Variants in MAP3K15 observed in about 807,000 individuals in gnomAD.
MAP3K15 encodes mitogen-activated protein kinase kinase kinase 15.
A neutral mutation model predicts 99.5 loss-of-function variants in MAP3K15; 124 were observed. The observed-to-expected ratio is 1.25, with a 90% CI of 1.08 to 1.45. The LOEUF (loss-of-function observed/expected upper bound fraction) is 1.45, where lower values mean the gene tolerates loss of function less well. Among genes scored for constraint, MAP3K15 ranks in the 40% most tolerant of loss-of-function variants. The probability of loss-of-function intolerance (pLI) is 0.00; values close to 1 mark genes in which losing one functional copy is unlikely to be tolerated. For synonymous variants in MAP3K15, 494 were observed against 439.6 expected (o/e 1.12, Z -1.55); for missense variants, 1,242 against 1,079.7 (o/e 1.15, Z -2.11).
chrX:19,479,576 G>A (rs372906379), intron 3 of MAP3K15, among the ~76,000 whole-genome samples: 34 of 112,224 alleles, frequency 3.0e-4, no homozygotes, highest in Non-Finnish European at 5.6e-4. Context: ...TAAGCTGTAA[G>A]TATAAAGGTA....
At chrX:19,395,931 T>C (rs983131784) in intron 15 of MAP3K15, among the ~76,000 whole-genome samples, 1 of 112,339 alleles carries the variant, frequency 8.9e-6, no homozygotes, top group African/African-American at 3.2e-5. Flanking sequence ...ATATACTTTG[T>C]GTTTTAACAG....
intron 3 of MAP3K15, among the ~76,000 whole-genome samples, chrX:19,480,923 T>A (rs1368393239): frequency 3.7e-5 from 4 of 107,976 alleles, no homozygotes. Flanking sequence ...GAGACCAGCC[T>A]GGGCAACATG....
intron 6 of MAP3K15, among the ~76,000 whole-genome samples, chrX:19,450,343 GGAGAA>G (rs1193438415): frequency 9.2e-6 from 1 of 108,474 alleles, no homozygotes; most frequent in African/African-American, 3.3e-5. Flanking sequence ...GAGGAGAGGA[GGAGAA>G]GAGGACAGGA....
At position 19,374,493 on chromosome X, in the gene MAP3K15, A is replaced by C. The variant is rs998609662; in HGVS notation, c.2757T>G (p.Ile919Met). The change falls in exon 20 of 29, where the codon ATT becomes ATG. Residue 919 changes from isoleucine (I) to methionine (M), a missense_variant. Ile to Met is a conservative substitution (Grantham distance 10). Coordinates refer to ENST00000338883, the MANE Select transcript of MAP3K15 (RefSeq NM_001001671.4). ...RQVNKGKKNR[I>M]AFKPSEGPRG... ...AGGCCTCACCTGAGGGCTTGAAGGC[A>C]ATTCGGTTCTTCTTGCCCTTGTTCA... is the stretch of plus-strand genomic sequence containing the variant. 2.3e-5 allele frequency: 28 copies of C among 1,208,960 alleles called. No individual in the cohort carries two copies. Among genetic ancestry groups the C allele is most frequent in the Non-Finnish European group, 3.0e-5 (27 of 894,832 alleles).
At position 19,457,007 on chromosome X, in the gene MAP3K15, T is replaced by C; in HGVS notation, c.901A>G (p.Met301Val). Residue 301 changes from methionine to valine, a missense_variant, in exon 6 of 29, where the codon ATG becomes GTG. Met to Val is a conservative substitution (Grantham distance 21). Coordinates refer to ENST00000338883, the MANE Select transcript of MAP3K15 (RefSeq NM_001001671.4). ...TCCAGTGTTTCCACCAGCTTCACCATCGCATCATAGTCCTGTTGGCAAGAG... is the reference window on the plus strand; with the variant it reads ...TCCAGTGTTTCCACCAGCTTCACCACCGCATCATAGTCCTGTTGGCAAGAG... ...SYRDIQDYDA[M>V]VKLVETLEML... The C allele has an allele frequency of 1.7e-6, 2 of 1,193,491 alleles. No homozygotes were observed. The highest frequency in any genetic ancestry group is 2.3e-4 in the Middle Eastern group (1 of 4,331).
At chrX:19,388,794 T>C (rs2063508463) in intron 18 of MAP3K15, among the ~76,000 whole-genome samples, 1 of 111,964 alleles carries the variant, frequency 8.9e-6, no homozygotes, top group South Asian at 3.7e-4. Context: ...TCTAGGTATC[T>C]ACCCAAGAAG....
At chrX:19,426,818 C>CAAAAAAAAAAAAA (rs746106862) in intron 7 of MAP3K15, among the ~76,000 whole-genome samples, 337 of 21,136 alleles carry the variant, frequency 0.016, 50 homozygotes, top group African/African-American at 0.042. Context: ...AATCTGTCTC[C>CAAAAAAAAAAAAA]AAAAAAAAAA....
chrX:19,462,845 C>T (rs2064141431), intron 4 of MAP3K15, among the ~76,000 whole-genome samples: 1 of 112,203 alleles, frequency 8.9e-6, no homozygotes, highest in Non-Finnish European at 1.9e-5. Context: ...ACTTCCCCTC[C>T]TACTAACTGT....
chrX:19,445,450 T>G (rs954000192), intron 6 of MAP3K15, among the ~76,000 whole-genome samples: 9 of 106,437 alleles, frequency 8.5e-5, no homozygotes, highest in African/African-American at 3.1e-4. Flanking sequence ...AATTAGCCAG[T>G]GTGGTGACGG....
rs1227552333 is a variant in MAP3K15 at position 19,360,574 on chromosome X, A to T, written c.*175T>A. The T allele has an allele frequency of 2.4e-6, 1 of 410,618 alleles. No individual in the cohort carries two copies. The highest frequency in any genetic ancestry group is 4.2e-6 in the Non-Finnish European group (1 of 237,556). The allele number at this position is 410,618 out of a possible 1,213,427, so 33.8% of individuals were successfully genotyped here. ...AATACACACAGTTCTATGTTTATAAATAACAGGTTTCAAAAGAAACTCAGG... is the reference window on the plus strand; with the variant it reads ...AATACACACAGTTCTATGTTTATAATTAACAGGTTTCAAAAGAAACTCAGG... On this transcript the variant is annotated 3_prime_UTR_variant, in exon 29 of 29. Coordinates refer to ENST00000338883, the MANE Select transcript of MAP3K15 (RefSeq NM_001001671.4).
At chrX:19,401,200 C>CT (rs1277600806) in intron 13 of MAP3K15, among the ~76,000 whole-genome samples, 41 of 103,789 alleles carry the variant, frequency 4.0e-4, no homozygotes, top group East Asian at 8.9e-4. Flanking sequence ...TACTCTTTTT[C>CT]TTTTTTTTTT....
rs766100171 is a variant in MAP3K15, at chrX:19,413,483, C to G, written c.1591-19G>C. On this transcript the variant is annotated intron_variant, in intron 10 of 28. Transcript: ENST00000338883. ...CCAGAACCTGAAACAAGAACAGATG[C>G]CTGTTAACGTACATGGGTAGAAAAC... The G allele has an allele frequency of 1.8e-6, 2 of 1,128,052 alleles. No individual in the cohort carries two copies. Among genetic ancestry groups the G allele is most frequent in the South Asian group, 1.9e-5 (1 of 52,989 alleles). The allele number at this position is 1,128,052 out of a possible 1,213,427, so 93.0% of individuals were successfully genotyped here. A position where few individuals can be genotyped will look rare whatever the true frequency, so the allele number is the denominator to read the frequency against.
chrX:19,369,365 T>A, intron 24 of MAP3K15, 146 bp from the exon 25 acceptor site: 1 of 592,378 alleles, frequency 1.7e-6, no homozygotes, highest in Admixed American at 3.1e-5. Flanking sequence ...ACTTTACAAA[T>A]GGAGAAGAGA....
intron 9 of MAP3K15, among the ~76,000 whole-genome samples, chrX:19,419,618 T>G (rs1271135268): frequency 8.4e-4 from 93 of 110,990 alleles, no homozygotes; most frequent in Non-Finnish European, 1.6e-3. Flanking sequence ...CTGTCAACAT[T>G]AGACAGATCC....
rs933265979 is a variant in MAP3K15 at position 19,441,525 on chromosome X, G to A, written c.996-9917C>T. ...GGGTTTGGGTCCGTCGTCCAGGCTGGAGTGCAGTGGCACGATCTCACTGCA... is the reference window on the plus strand; with the variant it reads ...GGGTTTGGGTCCGTCGTCCAGGCTGAAGTGCAGTGGCACGATCTCACTGCA... On this transcript the variant is annotated intron_variant, in intron 6 of 28. Coordinates refer to ENST00000338883, the MANE Select transcript of MAP3K15 (RefSeq NM_001001671.4). Among the ~76,000 whole-genome samples the A allele has an allele frequency of 1.9e-4, 21 of 111,967 alleles. 1 individual carries two copies. The highest frequency in any genetic ancestry group is 1.7e-3 in the Admixed American group (18 of 10,572).
chrX:19,447,558 G>A (rs1251796535), intron 6 of MAP3K15, among the ~76,000 whole-genome samples: 1 of 110,473 alleles, frequency 9.1e-6, no homozygotes, highest in Admixed American at 9.7e-5. Context: ...GTTATACAGG[G>A]TTGATTTAGT....
At chrX:19,391,674 C>CAAAAAAAAAAAAAAAAAAAAAAAAAAAA (rs759061873) in intron 18 of MAP3K15, among the ~76,000 whole-genome samples, 1 of 28,535 alleles carries the variant, frequency 3.5e-5, no homozygotes. Context: ...GACCCCGTCT[C>CAAAAAAAAAAAAAAAAAAAAAAAAAAAA]AAAAAAAAAA....
chrX:19,448,571 G>GA lies in MAP3K15; in HGVS notation c.995+8341dup, dbSNP rs757991482. Among the ~76,000 whole-genome samples the GA allele has an allele frequency of 2.8e-5, 3 of 108,378 alleles. No individual in the cohort carries two copies. In the East Asian group the frequency reaches 8.5e-4, roughly 31 times the overall value. 94.1% of individuals were successfully genotyped at this position (108,378 alleles called of 115,157 possible). On this transcript the variant is annotated intron_variant, in intron 6 of 28. Coordinates refer to ENST00000338883, the MANE Select transcript of MAP3K15 (RefSeq NM_001001671.4). Reference sequence around the variant, plus strand: ...TGGAGGAAGGTCCCCCCCTGTCCCCGAAAAAAAATTATACATGAGAAAAAC... The same window carrying GA: ...TGGAGGAAGGTCCCCCCCTGTCCCCGAAAAAAAAATTATACATGAGAAAAAC...
At chrX:19,380,358 G>A in intron 18 of MAP3K15, 81 bp from the exon 19 acceptor site, 2 of 1,041,588 alleles carry the variant, frequency 1.9e-6, no homozygotes, top group South Asian at 4.1e-5. Context: ...CTACTCGGGA[G>A]GCTGAGGCAG....
Sources: allele counts gnomAD v4.1 joint callset (sites outside exome capture counted in the v4.1 genomes callset), GRCh38; gene constraint gnomAD v4.1.1; transcripts MANE v1.5; gene names NCBI Gene and HGNC (gene_info 2026-07-23, HGNC 2026-07-21).